TMEM178A: variants seen among roughly 807,000 people sequenced by gnomAD.
TMEM178A encodes the protein transmembrane protein 178A, also known as transmembrane protein 178.
TMEM178A carries 12 observed loss-of-function variants against 29.1 expected under a neutral mutation model. The observed-to-expected ratio is 0.41, with a 90% CI of 0.26 to 0.67. The LOEUF (loss-of-function observed/expected upper bound fraction) is 0.67. TMEM178A is among the 30% of genes least tolerant of loss of function. The pLI, the probability that TMEM178A is intolerant of heterozygous loss-of-function variation, is 0.29. For missense variants in TMEM178A, 366 were observed against 419.1 expected (o/e 0.87, Z 1.11); for synonymous variants, 210 against 187.2 (o/e 1.12, Z -0.99).
the TMEM178A span, among the ~76,000 whole-genome samples, chr2:39,733,732 GTTTC>G: frequency 6.6e-6 from 1 of 152,130 alleles, no homozygotes; most frequent in African/African-American, 2.4e-5. Context: ...CAGAATTTAT[GTTTC>G]TTTTTCATAA....
intron 1 of TMEM178A, chr2:39,697,772 C>G (rs916939821): frequency 1.3e-5 from 2 of 152,694 alleles, no homozygotes; most frequent in African/African-American, 4.8e-5. Context: ...CAGCTGCCAC[C>G]TCCTTCCTGT....
downstream of TMEM178A, among the ~76,000 whole-genome samples, chr2:39,720,978 C>A (rs890318936): frequency 2.0e-5 from 3 of 152,184 alleles, no homozygotes; most frequent in Non-Finnish European, 4.4e-5. Flanking sequence ...AAGTTAGTAA[C>A]CTCAATATGG....
In TMEM178A at chr2:39,693,706, G is replaced by C. The variant is rs556473335; in HGVS notation, c.401-10375G>C. On this transcript the variant is annotated intron_variant, in intron 1 of 3. Transcript: ENST00000281961. ...AAAATTATATCTTCTCTTTAGTCTTGAGTTGTAAATACTGTACCTGCCACA... is the reference window on the plus strand; with the variant it reads ...AAAATTATATCTTCTCTTTAGTCTTCAGTTGTAAATACTGTACCTGCCACA... Among the ~76,000 whole-genome samples, 4 of 152,240 alleles carry C rather than the reference G, an allele frequency of 2.6e-5. No individual in the cohort carries two copies. In the South Asian group the frequency reaches 8.3e-4, roughly 32 times the overall value.
At chr2:39,680,377 C>G (rs921598542) in intron 1 of TMEM178A, among the ~76,000 whole-genome samples, 19 of 152,314 alleles carry the variant, frequency 1.2e-4, no homozygotes, top group African/African-American at 4.6e-4. Context: ...TGTTCACTCA[C>G]AGAGCTTTTC....
chr2:39,712,831 A>C (rs540443547), intron 3 of TMEM178A, among the ~76,000 whole-genome samples: 102 of 152,346 alleles, frequency 6.7e-4, no homozygotes, highest in African/African-American at 2.5e-3. Flanking sequence ...TTCTGAATGC[A>C]GAGGTGATAC....
chr2:39,669,299 A>T (rs1670310414), intron 1 of TMEM178A, among the ~76,000 whole-genome samples: 1 of 152,170 alleles, frequency 6.6e-6, no homozygotes, highest in Non-Finnish European at 1.5e-5. Flanking sequence ...GATAATATGG[A>T]AAACATTCTC....
chr2:39,735,943 C>G, the TMEM178A span: 1 of 152,186 alleles, frequency 6.6e-6, no homozygotes, highest in African/African-American at 2.4e-5. Context: ...CTTTGGGGAG[C>G]TGATTCACAG....
chr2:39,724,059 C>T, the TMEM178A span, among the ~76,000 whole-genome samples: 19 of 152,316 alleles, frequency 1.2e-4, no homozygotes, highest in East Asian at 1.5e-3. Flanking sequence ...TCTCTCCTTA[C>T]GTGACTGACC....
chr2:39,696,514 C>T (rs1671547657), intron 1 of TMEM178A, among the ~76,000 whole-genome samples: 1 of 152,106 alleles, frequency 6.6e-6, no homozygotes, highest in African/African-American at 2.4e-5. Flanking sequence ...AGGTATCTGC[C>T]ATTATTCTCC....
At chr2:39,700,870 T>C (rs1022199339) in intron 1 of TMEM178A, among the ~76,000 whole-genome samples, 2 of 151,990 alleles carry the variant, frequency 1.3e-5, no homozygotes, top group African/African-American at 2.4e-5. Context: ...GGTTGCCCTG[T>C]GGATTACAAG....
At chr2:39,727,194 C>T in the TMEM178A span, among the ~76,000 whole-genome samples, 7,517 of 152,280 alleles carry the variant, frequency 0.049, 632 homozygotes, top group African/African-American at 0.17. Flanking sequence ...CTTGCTCCTG[C>T]TCACATCCCT....
chr2:39,707,623 C>T (rs1672094529), intron 3 of TMEM178A, among the ~76,000 whole-genome samples: 1 of 152,148 alleles, frequency 6.6e-6, no homozygotes, highest in Non-Finnish European at 1.5e-5. Context: ...AGGCATGTGC[C>T]ACCACACCTG....
At chr2:39,719,573 G>C (rs912684833), downstream of TMEM178A, among the ~76,000 whole-genome samples, 4 of 152,222 alleles carry the variant, frequency 2.6e-5, no homozygotes, top group African/African-American at 9.6e-5. Flanking sequence ...TGCCAGTGCT[G>C]GGCATTTGGC....
At chr2:39,726,513 G>A in the TMEM178A span, among the ~76,000 whole-genome samples, 1 of 152,168 alleles carries the variant, frequency 6.6e-6, no homozygotes, top group Admixed American at 6.5e-5. Context: ...GTTTCATTCT[G>A]AGTAAGATGG....
intron 1 of TMEM178A, among the ~76,000 whole-genome samples, chr2:39,676,913 T>C (rs569876547): frequency 2.2e-4 from 33 of 152,334 alleles, no homozygotes; most frequent in African/African-American, 7.7e-4. Flanking sequence ...TGCTTTTCTG[T>C]TTGAAGAGCT....
chr2:39,689,304 A>T (rs182435461), intron 1 of TMEM178A, among the ~76,000 whole-genome samples: 3 of 152,282 alleles, frequency 2.0e-5, no homozygotes, highest in Admixed American at 2.0e-4. Context: ...ATGTTTATGG[A>T]TCATCATGTG....
rs1482683976 is a variant in TMEM178A, at chr2:39,717,419, A to G, written c.*168A>G. 4.2e-6 allele frequency: 4 copies of G among 957,678 alleles called. No homozygotes were observed. The highest frequency in any genetic ancestry group is 5.9e-6 in the Non-Finnish European group (4 of 673,578). 59.3% of individuals were successfully genotyped at this position (957,678 alleles called of 1,614,324 possible). A position where few individuals can be genotyped will look rare whatever the true frequency, so the allele number is the denominator to read the frequency against. ...AAAACCTCCCAACCTTTCTAAGGAC[A>G]AGACTACTGTGGATTCAAGTGCTTT... On this transcript the variant is annotated 3_prime_UTR_variant, in exon 4 of 4. Coordinates refer to ENST00000281961, the MANE Select transcript of TMEM178A (RefSeq NM_152390.3).
At chr2:39,674,732 C>T (rs1331779357) in intron 1 of TMEM178A, among the ~76,000 whole-genome samples, 3 of 152,050 alleles carry the variant, frequency 2.0e-5, no homozygotes, top group Admixed American at 2.0e-4. Flanking sequence ...AAAAAAGACA[C>T]AAAGGAACTG....
chr2:39,677,478 G>A (rs1034090524), intron 1 of TMEM178A, among the ~76,000 whole-genome samples: 8 of 152,100 alleles, frequency 5.3e-5, no homozygotes, highest in Non-Finnish European at 1.0e-4. Flanking sequence ...ATAGTGGCGC[G>A]TGTTCAAAAT....
Sources: gnomAD v4.1 joint callset for allele counts (sites outside exome capture counted in the v4.1 genomes callset) on GRCh38, gnomAD v4.1.1 for gene constraint, MANE v1.5 for transcripts, NCBI Gene and HGNC (gene_info 2026-07-23, HGNC 2026-07-21) for gene names.